The following ADAMTS12 variants were observed in gnomAD, a reference collection of about 807,000 sequenced individuals.
ADAMTS12 encodes ADAM metallopeptidase with thrombospondin type 1 motif 12, also known as A disintegrin and metalloproteinase with thrombospondin motifs 12.
ADAMTS12 carries 118 observed loss-of-function variants against 167.8 expected under a neutral mutation model. The ratio of observed to expected loss-of-function variants is 0.70; its 90% CI spans 0.61 to 0.82. ADAMTS12 has a LOEUF of 0.82. ADAMTS12 is among the 40% of genes least tolerant of loss of function. The pLI, the probability that ADAMTS12 is intolerant of heterozygous loss-of-function variation, is 0.00. For synonymous variants in ADAMTS12, 704 were observed against 716.9 expected, an observed-to-expected ratio of 0.98 and a Z score of 0.29; for missense variants, 1,916 against 1,998.8, an observed-to-expected ratio of 0.96 and a Z score of 0.79.
chr5:33,754,169 G>T (rs1206067311), intron 2 of ADAMTS12, among the ~76,000 whole-genome samples: 1 of 152,244 alleles, frequency 6.6e-6, no homozygotes, highest in South Asian at 2.1e-4. Flanking sequence ...ATCACCCGTG[G>T]TTTGCTTTCC....
chr5:33,565,377 C>T (rs1745961308), intron 19 of ADAMTS12, among the ~76,000 whole-genome samples: 2 of 152,270 alleles, frequency 1.3e-5, no homozygotes, highest in South Asian at 4.1e-4. Context: ...GTCTCAAACT[C>T]CTGACCTCAA....
chr5:33,683,762 A>T, intron 4 of ADAMTS12, 97 bp downstream of exon 4: 2 of 915,060 alleles, frequency 2.2e-6, no homozygotes, highest in Non-Finnish European at 3.0e-6. Flanking sequence ...AAAATAAGTT[A>T]AAAGGACCCC....
chr5:33,736,979 T>A (rs1412092207), intron 3 of ADAMTS12, among the ~76,000 whole-genome samples: 1 of 152,162 alleles, frequency 6.6e-6, no homozygotes, highest in East Asian at 1.9e-4. Context: ...TCATGGTCCC[T>A]GGAATGGAAA....
intron 2 of ADAMTS12, among the ~76,000 whole-genome samples, chr5:33,752,547 A>G (rs550662281): frequency 6.6e-6 from 1 of 152,334 alleles, no homozygotes; most frequent in South Asian, 2.1e-4. Flanking sequence ...AAATGAGTTA[A>G]TGTATGCAAA....
intron 9 of ADAMTS12, among the ~76,000 whole-genome samples, chr5:33,648,407 C>T (rs1042047270): frequency 1.4e-4 from 21 of 152,116 alleles, no homozygotes; most frequent in Admixed American, 4.6e-4. Flanking sequence ...ATTATTTGGA[C>T]GTTGAAAATA....
intron 2 of ADAMTS12, among the ~76,000 whole-genome samples, chr5:33,836,758 C>T (rs924478936): frequency 5.3e-5 from 8 of 152,136 alleles, no homozygotes; most frequent in Non-Finnish European, 8.8e-5. Context: ...AACAAATGTC[C>T]GCGCCACAGA....
rs1180681458 is a variant in ADAMTS12 at position 33,578,508 on chromosome 5, T to C, written c.2866-1348A>G. Among the ~76,000 whole-genome samples the C allele has an allele frequency of 2.0e-5, 3 of 152,188 alleles. No homozygotes were observed. The East Asian group carries it at 5.8e-4, about 29-fold the overall frequency. On this transcript the variant is annotated intron_variant, in intron 18 of 23. Coordinates refer to ENST00000504830, the MANE Select transcript of ADAMTS12 (RefSeq NM_030955.4). ...AAAGCTATCCAAAGGCAGGAACTGT[T>C]TTTTATTCATAATGGAATTCCAGGA...
chr5:33,623,679 C>G (rs7733893), intron 14 of ADAMTS12, among the ~76,000 whole-genome samples: 55 of 152,308 alleles, frequency 3.6e-4, no homozygotes, highest in African/African-American at 1.3e-3. Flanking sequence ...GTGGGTGGGA[C>G]CCCCTCCCAG....
chr5:33,743,330 C>A (rs955880451), intron 3 of ADAMTS12, among the ~76,000 whole-genome samples: 3 of 152,226 alleles, frequency 2.0e-5, no homozygotes, highest in African/African-American at 7.2e-5. Flanking sequence ...TGCCAGAAAT[C>A]TACTTAGTGG....
In ADAMTS12 at chr5:33,574,347, C is replaced by T. The variant is rs964150563; in HGVS notation, c.3972+1707G>A. Among the ~76,000 whole-genome samples the T allele has an allele frequency of 6.6e-5, 10 of 151,924 alleles. 1 individual carries two copies. The South Asian group carries it at 2.1e-3, about 32-fold the overall frequency. On this transcript the variant is annotated intron_variant, in intron 19 of 23. Coordinates refer to ENST00000504830, the MANE Select transcript of ADAMTS12 (RefSeq NM_030955.4). ...CAATAGCAAAGACTTGGAACCAACCCAAATGTCCAACAATGATAGATCGGA... is the reference window on the plus strand; with the variant it reads ...CAATAGCAAAGACTTGGAACCAACCTAAATGTCCAACAATGATAGATCGGA...
chr5:33,845,883 C>T (rs1168658783), intron 2 of ADAMTS12, among the ~76,000 whole-genome samples: 1 of 152,064 alleles, frequency 6.6e-6, no homozygotes, highest in Non-Finnish European at 1.5e-5. Flanking sequence ...GGAGAGAGAA[C>T]GAAAGGAAAA....
rs557982531 is a variant in ADAMTS12 at position 33,584,484 on chromosome 5, G to C, written c.2865+4115C>G. ...CTCCCTGAGCTCAAGGAGAGGATAG[G>C]TGAAAACTTAAGGGGCCACAAATCA... is the stretch of plus-strand genomic sequence containing the variant. On this transcript the variant is annotated intron_variant, in intron 18 of 23. Transcript: ENST00000504830. Among the ~76,000 whole-genome samples, 7 of 152,212 alleles carry C rather than the reference G, an allele frequency of 4.6e-5. No individual in the cohort carries two copies. In the South Asian group the frequency reaches 1.0e-3, roughly 23 times the overall value.
At chr5:33,787,291 A>G (rs1201517487) in intron 2 of ADAMTS12, among the ~76,000 whole-genome samples, 1 of 152,218 alleles carries the variant, frequency 6.6e-6, no homozygotes, top group Non-Finnish European at 1.5e-5. Context: ...TACGGTTGTT[A>G]GAAGAAAGAC....
At chr5:33,736,994 A>C (rs969010719) in intron 3 of ADAMTS12, among the ~76,000 whole-genome samples, 4 of 152,198 alleles carry the variant, frequency 2.6e-5, no homozygotes, top group African/African-American at 9.6e-5. Context: ...TGGAAATAAA[A>C]AGTAGATGCC....
rs1005261104 is a variant in ADAMTS12 at position 33,783,706 on chromosome 5, A to C, written c.490-32158T>G. 6.6e-5 allele frequency among the ~76,000 whole-genome samples: 10 copies of C among 152,058 alleles called. No individual in the cohort carries two copies. The East Asian group carries it at 1.9e-3, about 29-fold the overall frequency. ...AAACTGTAACAGGTTAAAAAACCAA[A>C]TCAGTAATTAAAAAATCTTACCATG... On this transcript the variant is annotated intron_variant, in intron 2 of 23. Coordinates refer to ENST00000504830, the MANE Select transcript of ADAMTS12 (RefSeq NM_030955.4).
chr5:33,699,885 CA>C (rs1251334518), intron 3 of ADAMTS12, among the ~76,000 whole-genome samples: 2 of 151,996 alleles, frequency 1.3e-5, no homozygotes, highest in African/African-American at 2.4e-5. Flanking sequence ...CAAAAACAAG[CA>C]AACTACACAA....
intron 3 of ADAMTS12, among the ~76,000 whole-genome samples, chr5:33,715,281 T>A (rs1390458146): frequency 6.6e-6 from 1 of 152,042 alleles, no homozygotes. Flanking sequence ...AAAACCATAC[T>A]GGGAAATCAG....
intron 2 of ADAMTS12, among the ~76,000 whole-genome samples, chr5:33,839,267 A>G (rs1278039719): frequency 6.6e-6 from 1 of 152,224 alleles, no homozygotes; most frequent in Non-Finnish European, 1.5e-5. Flanking sequence ...AGATTCTAGT[A>G]AGCTTTGGCA....
chr5:33,740,032 A>G (rs1242499105), intron 3 of ADAMTS12, among the ~76,000 whole-genome samples: 1 of 152,218 alleles, frequency 6.6e-6, no homozygotes. Flanking sequence ...ATAACTCACG[A>G]AAGTTAAGAG....
Sources: allele counts gnomAD v4.1 joint callset (sites outside exome capture counted in the v4.1 genomes callset), GRCh38; gene constraint gnomAD v4.1.1; transcripts MANE v1.5; gene names NCBI Gene and HGNC (gene_info 2026-07-23, HGNC 2026-07-21).